ERICH3: variants seen among roughly 807,000 people sequenced by gnomAD.
ERICH3 encodes glutamate-rich protein 3.
A neutral mutation model predicts 131.1 loss-of-function variants in ERICH3; 126 were observed. The observed-to-expected ratio is 0.96, with a 90% CI of 0.83 to 1.11. The LOEUF (loss-of-function observed/expected upper bound fraction) is 1.11. ERICH3 is among the 50% of genes most tolerant of loss of function. ERICH3 has a pLI of 0.00. For missense variants in ERICH3, 2,050 were observed against 1,810.7 expected (o/e 1.13, Z -2.40); for synonymous variants, 695 against 644.6 (o/e 1.08, Z -1.18).
At chr1:74,591,483 G>T (rs968555220) in intron 11 of ERICH3, among the ~76,000 whole-genome samples, 2 of 152,176 alleles carry the variant, frequency 1.3e-5, no homozygotes, top group Non-Finnish European at 2.9e-5. Flanking sequence ...GGCTCTTTGA[G>T]TCTGAGGGTG....
intron 4 of ERICH3, among the ~76,000 whole-genome samples, 177 bp from the exon 5 acceptor site, chr1:74,641,636 T>A (rs1204587539): frequency 3.3e-5 from 5 of 152,112 alleles, no homozygotes. Flanking sequence ...CGGCTTTAGT[T>A]GTGCTCAAAG....
Position 74,673,533 on chromosome 1 carries a change from CT to C in ERICH3, c.-15del. ...AGAATGGCTCATTTTTGCAGGATCC[CT>C]TTTGGACCCCGCGGCAGGTGCGGAG... is the stretch of plus-strand genomic sequence containing the variant. On this transcript the variant is annotated 5_prime_UTR_variant, in exon 1 of 15. Coordinates refer to ENST00000326665, the MANE Select transcript of ERICH3 (RefSeq NM_001002912.5). 6.2e-7 allele frequency: 1 copy of C among 1,611,596 alleles called. No individual in the cohort carries two copies. Among genetic ancestry groups the C allele is most frequent in the African/African-American group, 1.3e-5 (1 of 74,808 alleles).
At chr1:74,648,719 TG>T (rs1202693074) in intron 2 of ERICH3, among the ~76,000 whole-genome samples, 1 of 152,184 alleles carries the variant, frequency 6.6e-6, no homozygotes, top group Non-Finnish European at 1.5e-5. Flanking sequence ...ATAGAAATTT[TG>T]TGGAAAGAAC....
Position 74,633,046 on chromosome 1 carries a change from A to G in ERICH3, c.604-1118T>C, listed in dbSNP as rs140866997. Among the ~76,000 whole-genome samples the G allele has an allele frequency of 2.9e-3, 443 of 151,946 alleles. 2 individuals are homozygous for G. Among genetic ancestry groups the G allele is most frequent in the African/African-American group, 0.01 (423 of 41,550 alleles). ...TTTGCACCAATTTATTTCTATTTCT[A>G]CAATATAAATTTATATTGTACTTAT... On this transcript the variant is annotated intron_variant, in intron 6 of 14. Transcript: ENST00000326665.
intron 5 of ERICH3, among the ~76,000 whole-genome samples, chr1:74,637,499 T>A (rs1045007159): frequency 2.6e-5 from 4 of 152,184 alleles, no homozygotes; most frequent in African/African-American, 9.6e-5. Context: ...TCTGTCTACC[T>A]CCTGCTGAGC....
intron 1 of ERICH3, among the ~76,000 whole-genome samples, chr1:74,670,246 G>A (rs1027151207): frequency 1.3e-5 from 2 of 151,956 alleles, no homozygotes; most frequent in Non-Finnish European, 2.9e-5. Flanking sequence ...CTTACATGCA[G>A]CCATCCTCTA....
intron 3 of ERICH3, among the ~76,000 whole-genome samples, chr1:74,646,062 T>C (rs1646479819): frequency 6.6e-6 from 1 of 151,610 alleles, no homozygotes; most frequent in Non-Finnish European, 1.5e-5. Flanking sequence ...ATTAGCTAGA[T>C]ATCCCATTAA....
At chr1:74,642,984 A>G (rs1260009510) in intron 4 of ERICH3, 43 bp downstream of exon 4, 8 of 1,399,780 alleles carry the variant, frequency 5.7e-6, no homozygotes, top group Non-Finnish European at 8.0e-6. Context: ...TTAAAATCAT[A>G]AAATAATACT....
chr1:74,652,813 C>T (rs940137488), intron 1 of ERICH3, among the ~76,000 whole-genome samples: 8 of 152,130 alleles, frequency 5.3e-5, no homozygotes, highest in African/African-American at 1.9e-4. Flanking sequence ...ACTGGCCAGA[C>T]CAGTCTAACA....
chr1:74,605,637 G>C (rs549946314), intron 10 of ERICH3, among the ~76,000 whole-genome samples: 6 of 151,788 alleles, frequency 4.0e-5, no homozygotes, highest in Admixed American at 3.3e-4. Context: ...CAAGCAGAGG[G>C]AGAGAGACTG....
At chr1:74,576,794 G>A in intron 13 of ERICH3, 101 bp downstream of exon 13, 2 of 1,028,316 alleles carry the variant, frequency 1.9e-6, no homozygotes, top group African/African-American at 1.6e-5. Flanking sequence ...ATAAATACTA[G>A]AAAGCCTAGT....
At chr1:74,590,114 T>C in intron 11 of ERICH3, 34 bp from the exon 12 acceptor site, 1 of 1,486,576 alleles carries the variant, frequency 6.7e-7, no homozygotes, top group African/African-American at 1.4e-5. Flanking sequence ...ATTGTTGTTG[T>C]TCTGTAAAGC....
chr1:74,659,324 ATG>A (rs34090049), intron 1 of ERICH3, among the ~76,000 whole-genome samples: 99,200 of 149,942 alleles, frequency 0.66, 32,869 homozygotes, highest in African/African-American at 0.72. Context: ...GCACAGGCGC[ATG>A]TGTGTGTGTG....
intron 5 of ERICH3, among the ~76,000 whole-genome samples, chr1:74,638,351 C>T (rs755033252): frequency 1.3e-5 from 2 of 152,148 alleles, no homozygotes; most frequent in Non-Finnish European, 2.9e-5. Flanking sequence ...CACACAAATA[C>T]TGCCAAACAG....
Position 74,573,224 on chromosome 1 carries a change from C to T in ERICH3, c.2486G>A (p.Arg829Lys), listed in dbSNP as rs748071177. ...PELAEEFTEKREIPPGIERGA... is the reference protein window; with the variant it reads ...PELAEEFTEKKEIPPGIERGA... ...CCTTTCTATGCCTGGAGGGATCTCC[C>T]TTTTTTCTGTAAACTCTTCTGCCAA... is the stretch of plus-strand genomic sequence containing the variant. Residue 829 changes from arginine to lysine, a missense_variant, in exon 14 of 15, where the codon AGG (arginine) becomes AAG (lysine). By Grantham distance (26) the Arg-to-Lys change is conservative. Transcript: ENST00000326665. 6 of 1,611,440 alleles carry T rather than the reference C, an allele frequency of 3.7e-6. No homozygotes were observed. The highest frequency in any genetic ancestry group is 1.1e-5 in the South Asian group (1 of 90,684).
chr1:74,592,087 T>C (rs1647634329), intron 11 of ERICH3: 1 of 152,128 alleles, frequency 6.6e-6, no homozygotes. Flanking sequence ...TATCAGAGTT[T>C]CCACAAAGAT....
intron 10 of ERICH3, among the ~76,000 whole-genome samples, chr1:74,605,790 T>C (rs568100753): frequency 6.6e-5 from 10 of 151,754 alleles, no homozygotes; most frequent in Non-Finnish European, 1.5e-4. Context: ...ATCATAATAA[T>C]GAAAAAGTTA....
rs1314511771 is a variant in ERICH3 at position 74,571,267 on chromosome 1, C to T, written c.4443G>A (p.Glu1481=). The T allele has an allele frequency of 6.2e-7, 1 of 1,614,126 alleles. No individual in the cohort carries two copies. Among genetic ancestry groups the T allele is most frequent in the Admixed American group, 1.7e-5 (1 of 60,020 alleles). The change falls in exon 14 of 15, where the codon GAG becomes GAA. Residue 1481 remains glutamate (E), a synonymous_variant. Transcript: ENST00000326665. ...TCTCCGGACTCAATTCCCTCTCTCC[C>T]TCCCGTGATAATCCTAATCGGAATT... ...AEKFRLGLSR[E]GERELSPESL... is the part of the protein sequence containing the mutation.
chr1:74,620,733 C>A lies in ERICH3; in HGVS notation c.1000+1G>T, dbSNP rs1649177516. Reference sequence around the variant, plus strand: ...AAAAAACATTCACATTTTATGTGTACCTTTTTCAAGTAGTTTGCCTTTGTA... The same window carrying A: ...AAAAAACATTCACATTTTATGTGTAACTTTTTCAAGTAGTTTGCCTTTGTA... On this transcript the variant is annotated splice_donor_variant, in intron 8 of 14. Transcript: ENST00000326665. LOFTEE classifies it high-confidence loss of function. 1 of 1,596,108 alleles carries A rather than the reference C, an allele frequency of 6.3e-7. No homozygotes were observed. Among genetic ancestry groups the A allele is most frequent in the African/African-American group, 1.4e-5 (1 of 74,006 alleles).
Sources: gnomAD v4.1 joint callset for allele counts (sites outside exome capture counted in the v4.1 genomes callset) on GRCh38, gnomAD v4.1.1 for gene constraint, MANE v1.5 for transcripts, NCBI Gene and HGNC (gene_info 2026-07-23, HGNC 2026-07-21) for gene names.